Variants in RABGAP1 observed in about 807,000 individuals in gnomAD.
The protein encoded by RABGAP1 is rab GTPase-activating protein 1.
A neutral mutation model predicts 137.6 loss-of-function variants in RABGAP1; 23 were observed. The ratio of observed to expected loss-of-function variants is 0.17; its 90% confidence interval spans 0.12 to 0.24. RABGAP1 has a LOEUF of 0.24. Ranked by LOEUF, RABGAP1 falls within the 10% of genes least tolerant of loss-of-function variation. RABGAP1 has a pLI of 1.00. For synonymous variants in RABGAP1, 451 were observed against 450.7 expected (o/e 1.00, Z -0.01); for missense variants, 906 against 1,275.8 (o/e 0.71, Z 4.42).
chr9:123,021,464 C>T (rs2031635064), intron 13 of RABGAP1, among the ~76,000 whole-genome samples: 1 of 151,838 alleles, frequency 6.6e-6, no homozygotes. Context: ...GCTGGGATTA[C>T]AGGTGCGCAC....
chr9:122,966,403 A>C (rs1451844172), intron 2 of RABGAP1, among the ~76,000 whole-genome samples: 1 of 152,040 alleles, frequency 6.6e-6, no homozygotes, highest in African/African-American at 2.4e-5. Context: ...ACAGCCTGTA[A>C]TCCTAGGTAC....
At chr9:122,980,599 ATTATG>A (rs1200006394) in intron 2 of RABGAP1, among the ~76,000 whole-genome samples, 4 of 152,216 alleles carry the variant, frequency 2.6e-5, no homozygotes, top group African/African-American at 9.6e-5. Context: ...AAAGGCTAAA[ATTATG>A]TTATATGGTA....
At chr9:123,097,329 A>T (rs761310343) in intron 21 of RABGAP1, among the ~76,000 whole-genome samples, 10 of 152,246 alleles carry the variant, frequency 6.6e-5, no homozygotes, top group Non-Finnish European at 1.5e-4. Flanking sequence ...GCTTGGAGGA[A>T]GAAAACCAGT....
At chr9:123,020,507 G>C (rs761667581) in intron 13 of RABGAP1, 48 bp downstream of exon 13, 1 of 1,402,612 alleles carries the variant, frequency 7.1e-7, no homozygotes, top group South Asian at 1.8e-5. Flanking sequence ...TTAGAGATTT[G>C]TGATGAAAAG....
intron 4 of RABGAP1, among the ~76,000 whole-genome samples, chr9:122,988,965 A>G (rs1486581540): frequency 1.3e-5 from 2 of 151,422 alleles, no homozygotes; most frequent in African/African-American, 2.4e-5. Context: ...AAAAAAGCAC[A>G]GCTTCAATGA....
chr9:122,955,589 C>T (rs1834472535), intron 1 of RABGAP1, among the ~76,000 whole-genome samples: 1 of 152,128 alleles, frequency 6.6e-6, no homozygotes, highest in African/African-American at 2.4e-5. Flanking sequence ...CCTTACTTCT[C>T]TTGGGGTTGC....
intron 19 of RABGAP1, among the ~76,000 whole-genome samples, chr9:123,078,305 A>G (rs1416484174): frequency 1.3e-5 from 2 of 152,316 alleles, no homozygotes; most frequent in African/African-American, 2.4e-5. Flanking sequence ...TTTACATTCT[A>G]TTTAAAATGT....
chr9:123,060,321 C>T (rs895026097), intron 13 of RABGAP1, among the ~76,000 whole-genome samples: 1 of 152,156 alleles, frequency 6.6e-6, no homozygotes, highest in African/African-American at 2.4e-5. Flanking sequence ...GTAACCATTT[C>T]GGTTTCTGTC....
chr9:122,978,873 C>A (rs929707130), intron 2 of RABGAP1, among the ~76,000 whole-genome samples: 1 of 141,796 alleles, frequency 7.1e-6, no homozygotes, highest in African/African-American at 2.6e-5. Context: ...GAATTTTAGT[C>A]ATTCATTTTA....
upstream of RABGAP1, chr9:122,939,536 T>G (rs1380073599): frequency 1.3e-5 from 2 of 152,206 alleles, no homozygotes; most frequent in African/African-American, 4.8e-5. Context: ...TTTTAGCTTG[T>G]GTCTATTCTC....
chr9:123,074,203 A>T, intron 16 of RABGAP1, 82 bp from the exon 17 acceptor site: 2 of 1,548,414 alleles, frequency 1.3e-6, no homozygotes, highest in Admixed American at 1.9e-5. Flanking sequence ...TTTTTGGCCT[A>T]TTCCTGGTAG....
chr9:123,041,826 C>T (rs1350225234), intron 13 of RABGAP1, among the ~76,000 whole-genome samples: 6 of 152,140 alleles, frequency 3.9e-5, no homozygotes, highest in African/African-American at 1.4e-4. Context: ...TCCCTATAAG[C>T]ATAGAGACTA....
chr9:123,085,809 C>G (rs982020387), intron 19 of RABGAP1, among the ~76,000 whole-genome samples: 11 of 152,312 alleles, frequency 7.2e-5, no homozygotes, highest in Middle Eastern at 6.8e-3. Context: ...GGAGTTTGTA[C>G]GTTGGCACCT....
chr9:123,080,683 G>A (rs997469438), intron 19 of RABGAP1, among the ~76,000 whole-genome samples: 3 of 152,178 alleles, frequency 2.0e-5, no homozygotes, highest in African/African-American at 4.8e-5. Context: ...TGTGGTTTGA[G>A]TCCATTAGAC....
At chr9:123,053,589 T>C (rs1032664489) in intron 13 of RABGAP1, among the ~76,000 whole-genome samples, 1 of 152,228 alleles carries the variant, frequency 6.6e-6, no homozygotes, top group African/African-American at 2.4e-5. Context: ...GTTACTTTAT[T>C]CCTGTGAAGT....
chr9:123,073,674 G>T lies in RABGAP1; in HGVS notation c.2106G>T (p.Met702Ile). The T allele has an allele frequency of 6.2e-7, 1 of 1,613,720 alleles. No homozygotes were observed. Among genetic ancestry groups the T allele is most frequent in the South Asian group, 1.1e-5 (1 of 91,054 alleles). ...HCKFYQLERL[M>I]QEYIPDLYNH... ...AATTTTACCAGTTGGAGCGCCTCAT[G>T]CAGGTAAAAAGAGAAACCAGCTTGT... is the stretch of plus-strand genomic sequence containing the variant. Residue 702 changes from methionine (M) to isoleucine (I), a missense_variant, in exon 16 of 26, where the codon ATG becomes ATT. By Grantham distance (10) the Met-to-Ile change is conservative. Coordinates refer to ENST00000373647, the MANE Select transcript of RABGAP1 (RefSeq NM_012197.4).
intron 25 of RABGAP1, 83 bp from the exon 26 acceptor site, chr9:123,103,008 C>T (rs2035387519): frequency 1.3e-6 from 2 of 1,522,018 alleles, no homozygotes; most frequent in African/African-American, 1.4e-5. Flanking sequence ...AAATAGACTG[C>T]ATTCTTGTCT....
At chr9:122,990,787 AAAAAAAAAAATATATATATATATAT>A (rs1161417960) in intron 6 of RABGAP1, 5 of 69,076 alleles carry the variant, frequency 7.2e-5, no homozygotes, top group South Asian at 6.4e-4. Flanking sequence ...AAAAAAAAAA[AAAAAAAAAAATATATATATATATAT>A]ATATATATAT....
intron 2 of RABGAP1, among the ~76,000 whole-genome samples, chr9:122,983,022 C>A (rs977881875): frequency 1.3e-5 from 2 of 151,992 alleles, no homozygotes; most frequent in Admixed American, 1.3e-4. Context: ...CACATGCTAC[C>A]ATGCACGGCT....
Sources: gnomAD v4.1 joint callset for allele counts (sites outside exome capture counted in the v4.1 genomes callset) on GRCh38, gnomAD v4.1.1 for gene constraint, MANE v1.5 for transcripts, NCBI Gene and HGNC (gene_info 2026-07-23, HGNC 2026-07-21) for gene names.